Variants in TSG101 observed in about 807,000 individuals in gnomAD.
TSG101 encodes the protein tumor susceptibility gene 101 protein.
Under a neutral mutation model 48.5 loss-of-function variants are expected in TSG101, and 19 were observed. That is an observed-to-expected ratio of 0.39 (90% CI 0.27 to 0.58). The LOEUF is 0.58. Ranked by LOEUF, TSG101 falls within the 20% of genes least tolerant of loss-of-function variation. The probability of loss-of-function intolerance (pLI) is 0.55; values close to 1 mark genes in which losing one functional copy is unlikely to be tolerated. For synonymous variants in TSG101, 174 were observed against 169.4 expected, an observed-to-expected ratio of 1.03 and a Z score of -0.21; for missense variants, 365 against 484.4, an observed-to-expected ratio of 0.75 and a Z score of 2.31.
chr11:18,506,698 T>A (rs72871738), intron 6 of TSG101, among the ~76,000 whole-genome samples, 159 bp downstream of exon 6: 25,157 of 150,428 alleles, frequency 0.17, 2,142 homozygotes, highest in East Asian at 0.25. Flanking sequence ...TCAAAAAAAA[T>A]AAATAAATAA....
At chr11:18,491,298 G>C (rs1849698031) in intron 7 of TSG101, among the ~76,000 whole-genome samples, 1 of 152,102 alleles carries the variant, frequency 6.6e-6, no homozygotes, top group African/African-American at 2.4e-5. Flanking sequence ...TGATTTATGG[G>C]GGGGTCTGGG....
chr11:18,489,828 A>C (rs1313700909), intron 7 of TSG101, among the ~76,000 whole-genome samples: 1 of 152,192 alleles, frequency 6.6e-6, no homozygotes, highest in Non-Finnish European at 1.5e-5. Context: ...TCATAATATA[A>C]TCTCTATAAC....
chr11:18,506,874 T>A lies in TSG101; in HGVS notation c.531A>T (p.Gly177=), dbSNP rs555254188. 2 of 1,600,738 alleles carry A rather than the reference T, an allele frequency of 1.2e-6. No individual in the cohort carries two copies. Among genetic ancestry groups the A allele is most frequent in the East Asian group, 2.2e-5 (1 of 44,756 alleles). Residue 177 remains glycine (G), a synonymous_variant, in exon 6 of 10, where the codon GGA becomes GGT. Coordinates refer to ENST00000251968, the MANE Select transcript of TSG101 (RefSeq NM_006292.4). ...MPGGISPYPS[G]YPPNPSGYPG... ...TTCATTACCTGGGATTGGGAGGGTA[T>A]CCGGATGGGTATGGAGAGATTCCAC...
Position 18,480,576 on chromosome 11 carries a change from T to C in TSG101, c.1143A>G (p.Arg381=), listed in dbSNP as rs757401618. 4 of 1,613,998 alleles carry C rather than the reference T, an allele frequency of 2.5e-6. No homozygotes were observed. The East Asian group carries it at 6.7e-5, about 27-fold the overall frequency. Residue 381 remains arginine (R), a synonymous_variant, in exon 10 of 10, where the codon AGA becomes AGG. Coordinates refer to ENST00000251968, the MANE Select transcript of TSG101 (RefSeq NM_006292.4). ...FQLRALMQKA[R]KTAGLSDLY ...AGAGGTCACTGAGACCGGCAGTCTT[T>C]CTTGCTTTTTGCATTAGTGCCCTCA...
intron 7 of TSG101, among the ~76,000 whole-genome samples, chr11:18,499,709 C>T (rs1047794632): frequency 1.3e-5 from 2 of 151,380 alleles, no homozygotes; most frequent in East Asian, 1.9e-4. Flanking sequence ...CTGTGCCTGG[C>T]CTAAAAAATT....
At chr11:18,489,986 TA>T (rs1045279373) in intron 7 of TSG101, among the ~76,000 whole-genome samples, 3 of 152,056 alleles carry the variant, frequency 2.0e-5, no homozygotes, top group Admixed American at 2.0e-4. Context: ...AGTGTTGAAT[TA>T]AAAAAAATTA....
chr11:18,490,769 G>A, intron 7 of TSG101: 1 of 515,874 alleles, frequency 1.9e-6, no homozygotes, highest in Non-Finnish European at 3.9e-6. Flanking sequence ...GCTCAATGCT[G>A]GAGAAGACAT....
At position 18,514,745 on chromosome 11, in the gene TSG101, A is replaced by G; in HGVS notation, c.290T>C (p.Ile97Thr). ...CFVKPTSSMT[I>T]KTGKHVDANG... ...TGCATCAACATGCTTTCCTGTTTTA[A>G]TAGTCATTGAACTAGTAGGCTTAAC... Residue 97 changes from isoleucine to threonine, a missense_variant, in exon 4 of 10, where the codon ATT (isoleucine) becomes ACT (threonine). Physicochemically the swap from Ile to Thr is moderately conservative, Grantham distance 89. Transcript: ENST00000251968. 1 of 1,597,006 alleles carries G rather than the reference A, an allele frequency of 6.3e-7. No individual in the cohort carries two copies. The highest frequency in any genetic ancestry group is 8.5e-7 in the Non-Finnish European group (1 of 1,174,444).
chr11:18,518,165 T>C (rs141090789), intron 2 of TSG101, among the ~76,000 whole-genome samples: 101 of 152,306 alleles, frequency 6.6e-4, no homozygotes, highest in African/African-American at 2.4e-3. Context: ...CCATTGTACA[T>C]ATAGTATGCA....
intron 7 of TSG101, among the ~76,000 whole-genome samples, chr11:18,493,839 C>G (rs776418762): frequency 6.6e-5 from 10 of 152,176 alleles, no homozygotes; most frequent in Non-Finnish European, 1.3e-4. Flanking sequence ...ACATGGCTTA[C>G]AAAAGTCCTT....
At chr11:18,488,490 AG>A (rs530391085) in intron 7 of TSG101, among the ~76,000 whole-genome samples, 60 of 152,266 alleles carry the variant, frequency 3.9e-4, no homozygotes, top group Admixed American at 8.5e-4. Flanking sequence ...AGACCTGGTG[AG>A]GGGCACTAAA....
intron 7 of TSG101, among the ~76,000 whole-genome samples, chr11:18,495,432 G>A (rs547975105): frequency 2.0e-5 from 3 of 152,268 alleles, no homozygotes; most frequent in South Asian, 4.1e-4. Flanking sequence ...TGCTGAGACT[G>A]GAGTAAGGAA....
intron 6 of TSG101, among the ~76,000 whole-genome samples, chr11:18,506,375 T>C (rs975050649): frequency 7.4e-6 from 1 of 134,938 alleles, no homozygotes; most frequent in African/African-American, 2.5e-5. Context: ...AAATATTTTA[T>C]AATACTCTCT....
intron 7 of TSG101, among the ~76,000 whole-genome samples, chr11:18,493,384 C>A (rs573146366): frequency 9.9e-5 from 15 of 152,160 alleles, no homozygotes; most frequent in Non-Finnish European, 2.1e-4. Context: ...TTAAGACACC[C>A]GGTTTCATTT....
intron 7 of TSG101, among the ~76,000 whole-genome samples, chr11:18,494,793 G>C (rs550496389): frequency 2.0e-5 from 3 of 152,136 alleles, no homozygotes; most frequent in Non-Finnish European, 4.4e-5. Context: ...GCCATATCCT[G>C]AAAGTACAGT....
At chr11:18,515,221 C>T (rs535269629) in intron 3 of TSG101, among the ~76,000 whole-genome samples, 1 of 152,278 alleles carries the variant, frequency 6.6e-6, no homozygotes, top group Admixed American at 6.5e-5. Context: ...ATAGCAGTTA[C>T]AGAATAGTGT....
chr11:18,518,324 C>G (rs1850212887), intron 2 of TSG101, among the ~76,000 whole-genome samples: 1 of 152,166 alleles, frequency 6.6e-6, no homozygotes, highest in African/African-American at 2.4e-5. Context: ...CTAATGTTTT[C>G]AAAGCCTTGG....
intron 4 of TSG101, among the ~76,000 whole-genome samples, chr11:18,510,250 A>G (rs542117457): frequency 4.8e-4 from 73 of 151,650 alleles, no homozygotes; most frequent in African/African-American, 1.7e-3. Flanking sequence ...GCAAAATCCC[A>G]TCTCTACTAA....
At chr11:18,482,011 T>A (rs1309962892) in intron 8 of TSG101, 142 bp from the exon 9 acceptor site, 1 of 1,164,112 alleles carries the variant, frequency 8.6e-7, no homozygotes, top group Non-Finnish European at 1.2e-6. Context: ...AATAACACCC[T>A]GGTCAAAGGT....
Sources: gnomAD v4.1 joint callset for allele counts (sites outside exome capture counted in the v4.1 genomes callset) on GRCh38, gnomAD v4.1.1 for gene constraint, MANE v1.5 for transcripts, NCBI Gene and HGNC (gene_info 2026-07-23, HGNC 2026-07-21) for gene names.